CORO2B: variants seen among roughly 807,000 people sequenced by gnomAD.
CORO2B encodes the protein coronin-2B.
A neutral mutation model predicts 58.8 loss-of-function variants in CORO2B; 26 were observed. The ratio of observed to expected loss-of-function variants is 0.44; its 90% CI spans 0.32 to 0.61. CORO2B has a LOEUF of 0.61. Among genes scored for constraint, CORO2B ranks in the 20% least tolerant of loss-of-function variants. The probability of loss-of-function intolerance (pLI) is 0.04; values close to 1 mark genes in which losing one functional copy is unlikely to be tolerated. For missense variants in CORO2B, 460 were observed against 645.1 expected (o/e 0.71, Z 3.11); for synonymous variants, 242 against 253.8 (o/e 0.95, Z 0.44).
intron 1 of CORO2B, among the ~76,000 whole-genome samples, chr15:68,619,282 T>C (rs1461351765): frequency 6.6e-6 from 1 of 152,208 alleles, no homozygotes; most frequent in African/African-American, 2.4e-5. Flanking sequence ...TACCCTCACT[T>C]TCCTTTAGCC....
chr15:68,646,754 G>A (rs2140274143), intron 2 of CORO2B, among the ~76,000 whole-genome samples: 1 of 152,328 alleles, frequency 6.6e-6, no homozygotes, highest in Non-Finnish European at 1.5e-5. Flanking sequence ...GATAATAGAT[G>A]TGAAGCTCCT....
At chr15:68,576,357 C>T (rs907569639), upstream of CORO2B, among the ~76,000 whole-genome samples, 1 of 151,996 alleles carries the variant, frequency 6.6e-6, no homozygotes, top group Non-Finnish European at 1.5e-5. Context: ...AAACATTTTC[C>T]TTCTGCCTTT....
intron 1 of CORO2B, among the ~76,000 whole-genome samples, chr15:68,626,698 G>A (rs946196847): frequency 6.6e-6 from 1 of 152,180 alleles, no homozygotes; most frequent in Admixed American, 6.5e-5. Context: ...AGAGGCTCAG[G>A]CCCCATCATC....
chr15:68,613,810 C>T (rs562064776), intron 1 of CORO2B, among the ~76,000 whole-genome samples: 1 of 152,330 alleles, frequency 6.6e-6, no homozygotes, highest in East Asian at 1.9e-4. Flanking sequence ...ATGGCTGAAA[C>T]TCCTGAAAGT....
chr15:68,718,877 C>T, intron 9 of CORO2B, 67 bp downstream of exon 9: 1 of 1,360,546 alleles, frequency 7.3e-7, no homozygotes, highest in East Asian at 2.3e-5. Flanking sequence ...TCACCACTGA[C>T]CATGACCCTG....
the CORO2B span, among the ~76,000 whole-genome samples, chr15:68,521,834 C>T: frequency 6.6e-6 from 1 of 151,820 alleles, no homozygotes; most frequent in Non-Finnish European, 1.5e-5. Context: ...CTCGACCTCC[C>T]AGGCTCAAGC....
chr15:68,630,548 C>T (rs1044858990), intron 1 of CORO2B, among the ~76,000 whole-genome samples: 1 of 151,510 alleles, frequency 6.6e-6, no homozygotes, highest in South Asian at 2.1e-4. Context: ...GGACAGGTCA[C>T]AGGCAGTGTT....
In CORO2B at chr15:68,725,977, C is replaced by T; in HGVS notation, c.*3C>T. On this transcript the variant is annotated 3_prime_UTR_variant, in exon 12 of 12. Coordinates refer to ENST00000261861, the MANE Select transcript of CORO2B (RefSeq NM_006091.5). ...GCAACAGCCCCAAGAACTGTTAGCT[C>T]CCCAGCTGGGCTGTTTTCTAAGCCG... 6.2e-7 allele frequency: 1 copy of T among 1,613,116 alleles called. No individual in the cohort carries two copies. Among genetic ancestry groups the T allele is most frequent in the African/African-American group, 1.3e-5 (1 of 75,026 alleles).
At chr15:68,633,185 A>G (rs1034033767) in intron 1 of CORO2B, among the ~76,000 whole-genome samples, 23 of 152,026 alleles carry the variant, frequency 1.5e-4, no homozygotes, top group African/African-American at 5.3e-4. Context: ...AGAATGCTAC[A>G]TGACCACCTA....
the CORO2B span, among the ~76,000 whole-genome samples, chr15:68,551,203 G>A: frequency 6.6e-6 from 1 of 152,050 alleles, no homozygotes; most frequent in African/African-American, 2.4e-5. Context: ...GTGTGATGGA[G>A]AGAGAGGGGC....
At chr15:68,613,702 C>T (rs1012446258) in intron 1 of CORO2B, among the ~76,000 whole-genome samples, 3 of 152,192 alleles carry the variant, frequency 2.0e-5, no homozygotes, top group African/African-American at 7.2e-5. Flanking sequence ...ATTAGCACAT[C>T]GCTAAGAGTT....
At chr15:68,636,036 C>T (rs1036957002) in intron 1 of CORO2B, among the ~76,000 whole-genome samples, 1 of 152,168 alleles carries the variant, frequency 6.6e-6, no homozygotes, top group Non-Finnish European at 1.5e-5. Context: ...GATCCCAGCT[C>T]CTCCACTTCA....
In CORO2B at chr15:68,710,980, T is replaced by C; in HGVS notation, c.483+99T>C. 7.7e-7 allele frequency: 1 copy of C among 1,302,200 alleles called. No individual in the cohort carries two copies. Among genetic ancestry groups the C allele is most frequent in the East Asian group, 2.6e-5 (1 of 39,060 alleles). 80.7% of individuals were successfully genotyped at this position (1,302,200 alleles called of 1,614,324 possible). On this transcript the variant is annotated intron_variant, in intron 4 of 11. Transcript: ENST00000261861. This position sits in a 1 kb window ranked among gnomAD's most constrained non-coding sequence, Gnocchi z 4.1. ...GCACTGTTGCTTCCTAAGCAACCAA[T>C]ATGGCCTCATCTGTTCATTTGCTTA...
chr15:68,669,280 G>A (rs1020480822), intron 2 of CORO2B, among the ~76,000 whole-genome samples: 1 of 152,232 alleles, frequency 6.6e-6, no homozygotes, highest in East Asian at 1.9e-4. Flanking sequence ...TGTTCACTGT[G>A]CTGAGGTGAA....
intron 1 of CORO2B, among the ~76,000 whole-genome samples, chr15:68,591,318 C>T (rs1450236765): frequency 6.6e-6 from 1 of 152,162 alleles, no homozygotes; most frequent in East Asian, 1.9e-4. Flanking sequence ...GTTGAGCGGG[C>T]AGCGTGAACA....
chr15:68,633,531 A>ACACACACACACACACACACT (rs1370558894), intron 1 of CORO2B, among the ~76,000 whole-genome samples: 2 of 151,608 alleles, frequency 1.3e-5, no homozygotes, highest in African/African-American at 4.9e-5. Flanking sequence ...ACACACACAC[A>ACACACACACACACACACACT]CACACACACA....
intron 1 of CORO2B, among the ~76,000 whole-genome samples, chr15:68,627,616 G>T (rs1900719627): frequency 6.6e-6 from 1 of 152,132 alleles, no homozygotes; most frequent in African/African-American, 2.4e-5. Context: ...ATCATGGTTG[G>T]GTGAGAGGCA....
At chr15:68,558,162 T>C in the CORO2B span, among the ~76,000 whole-genome samples, 1 of 152,060 alleles carries the variant, frequency 6.6e-6, no homozygotes, top group Non-Finnish European at 1.5e-5. Context: ...GATAAGAAGT[T>C]GACAGGTGAG....
chr15:68,681,886 A>T (rs938789268), intron 2 of CORO2B, among the ~76,000 whole-genome samples: 3 of 152,296 alleles, frequency 2.0e-5, no homozygotes, highest in Admixed American at 1.3e-4. Flanking sequence ...CCCCAACCCC[A>T]GTCCTCTTAT....
Sources: gnomAD v4.1 joint callset for allele counts (sites outside exome capture counted in the v4.1 genomes callset) on GRCh38, gnomAD v4.1.1 for gene constraint, Gnocchi (gnomAD v3.1) non-coding constraint, MANE v1.5 for transcripts, NCBI Gene and HGNC (gene_info 2026-07-23, HGNC 2026-07-21) for gene names.